Variants in TTN observed in about 807,000 individuals in gnomAD.
TTN encodes the protein titin, also known as connectin.
In TTN, 1,525 loss-of-function variants were observed where a neutral mutation model predicts 3,223.0. The observed-to-expected ratio is 0.47, with a 90% CI of 0.45 to 0.49. TTN has a LOEUF of 0.49. Ranked by LOEUF, TTN falls within the 20% of genes least tolerant of loss-of-function variation. The probability of loss-of-function intolerance (pLI) is 0.00; values close to 1 mark genes in which losing one functional copy is unlikely to be tolerated. For missense variants in TTN, 40,786 were observed against 43,424.0 expected (o/e 0.94, Z 5.40); for synonymous variants, 14,094 against 15,161.0 (o/e 0.93, Z 5.17).
rs755890947 is a variant in TTN, at chr2:178,535,130, C to T, written c.101485G>A (p.Glu33829Lys). 1 of 1,613,830 alleles carries T rather than the reference C, an allele frequency of 6.2e-7. No homozygotes were observed. Among genetic ancestry groups the T allele is most frequent in the Non-Finnish European group, 8.5e-7 (1 of 1,179,832 alleles). ...ACACAACGATGGACAATTCCAAACT[C>T]ACCACGCCCAAGATCTTCAGCAATC... is the stretch of plus-strand genomic sequence containing the variant. The part of the protein sequence containing the change: ...YMIAEDLGRG[E>K]FGIVHRCVET... Residue 33829 changes from glutamate (E) to lysine (K), a missense_variant, in exon 358 of 363, where the codon GAG becomes AAG. Transcript: ENST00000589042.
chr2:178,604,181 G>T lies in TTN; in HGVS notation c.54506C>A (p.Pro18169His), dbSNP rs2054202479. 1 of 1,611,968 alleles carries T rather than the reference G, an allele frequency of 6.2e-7. No homozygotes were observed. Among genetic ancestry groups the T allele is most frequent in the African/African-American group, 1.3e-5 (1 of 74,794 alleles). The change falls in exon 282 of 363, where the codon CCT (proline) becomes CAT (histidine). Residue 18169 changes from proline (P) to histidine (H), a missense_variant. Pro to His is a moderately conservative substitution (Grantham distance 77). Transcript: ENST00000589042. ...TGCCAAAACTTTTGGTTTTCCTGGA[G>T]GTCCAGGAAGGCGATAAGGATCTTG... ...VIQDPYRLPG[P>H]PGKPKVLART...
Position 178,704,779 on chromosome 2 carries a change from T to G in TTN, c.29695-2A>C. 6.2e-7 allele frequency: 1 copy of G among 1,607,938 alleles called. No homozygotes were observed. The highest frequency in any genetic ancestry group is 8.5e-7 in the Non-Finnish European group (1 of 1,177,924). ...AATGTCCTTGATCAGAGTGACAGGC[T>G]AGGAGAATAAAGAATTAAAACACAT... On this transcript the variant is annotated splice_acceptor_variant, in intron 104 of 362. Coordinates refer to ENST00000589042, the MANE Select transcript of TTN (RefSeq NM_001267550.2). LOFTEE classifies it high-confidence loss of function.
intron 350 of TTN, chr2:178,541,064 G>T (rs993023729): frequency 8.9e-5 from 34 of 383,082 alleles, no homozygotes; most frequent in African/African-American, 6.2e-4. Context: ...AAAATTATTT[G>T]CCAGAAATCG....
intron 88 of TTN, 97 bp downstream of exon 88, chr2:178,716,998 G>T: frequency 7.3e-7 from 1 of 1,369,192 alleles, no homozygotes; most frequent in Admixed American, 2.6e-5. Context: ...CTAGACCCTG[G>T]TCCTAAACAT....
rs780052938 is a variant in TTN, at chr2:178,540,147, G to A, written c.98019C>T (p.Phe32673=). ...CACCAGCATTACAAGCTAGGACGCG[G>A]AACCTGTATTCTGCACCCTGAGGTA... The part of the protein sequence containing the change: ...THLPQGAEYR[F]RVLACNAGGP... The change falls in exon 351 of 363, where the codon TTC becomes TTT. Residue 32673 remains phenylalanine (F), a synonymous_variant. Coordinates refer to ENST00000589042, the MANE Select transcript of TTN (RefSeq NM_001267550.2). The A allele has an allele frequency of 6.2e-7, 1 of 1,613,666 alleles. No individual in the cohort carries two copies. The highest frequency in any genetic ancestry group is 8.5e-7 in the Non-Finnish European group (1 of 1,179,644).
In TTN at chr2:178,539,882, A is replaced by T. The variant is rs764737796; in HGVS notation, c.98183T>A (p.Ile32728Asn). The change falls in exon 352 of 363, where the codon ATC becomes AAC. Residue 32728 changes from isoleucine to asparagine, a missense_variant. Transcript: ENST00000589042. Reference sequence around the variant, plus strand: ...ACATATTGGGAATGGTTTTCCTTTGATTGGTATGGTAAGTCTGATGACGCC... The same window carrying T: ...ACATATTGGGAATGGTTTTCCTTTGTTTGGTATGGTAAGTCTGATGACGCC... ...QGGVIRLTIP[I>N]KGKPFPICKW... 3 of 1,613,494 alleles carry T rather than the reference A, an allele frequency of 1.9e-6. No homozygotes were observed. Among genetic ancestry groups the T allele is most frequent in the Non-Finnish European group, 2.5e-6 (3 of 1,179,750 alleles).
intron 231 of TTN, 29 bp downstream of exon 231, chr2:178,633,788 G>C: frequency 6.2e-7 from 1 of 1,609,672 alleles, no homozygotes; most frequent in Non-Finnish European, 8.5e-7. Context: ...TCAGAAACTG[G>C]CTATCTGGTT....
intron 354 of TTN, 114 bp from the exon 355 acceptor site, chr2:178,538,031 A>C (rs545717935): frequency 1.2e-5 from 12 of 988,860 alleles, no homozygotes; most frequent in Non-Finnish European, 1.7e-5. Context: ...CATGATTTAC[A>C]TATTAGCCTA....
At position 178,574,470 on chromosome 2, in the gene TTN, A is replaced by G; in HGVS notation, c.71662T>C (p.Ser23888Pro). Residue 23888 changes from serine (S) to proline (P), a missense_variant, in exon 326 of 363, where the codon TCA becomes CCA. Physicochemically the swap from Ser to Pro is moderately conservative, Grantham distance 74. Coordinates refer to ENST00000589042, the MANE Select transcript of TTN (RefSeq NM_001267550.2). ...KALVPGNIFK[S>P]SGLTDGIAYE... ...GCAATACCATCTGTAAGTCCACTTGATTTGAAAATGTTGCCTGGTACTAAA... is the reference window on the plus strand; with the variant it reads ...GCAATACCATCTGTAAGTCCACTTGGTTTGAAAATGTTGCCTGGTACTAAA... 6.2e-7 allele frequency: 1 copy of G among 1,613,622 alleles called. No individual in the cohort carries two copies. The highest frequency in any genetic ancestry group is 8.5e-7 in the Non-Finnish European group (1 of 1,179,636).
At chr2:178,701,913 A>G in intron 109 of TTN, 127 bp downstream of exon 109, 2 of 985,270 alleles carry the variant, frequency 2.0e-6, no homozygotes, top group Non-Finnish European at 3.0e-6. Context: ...ACTGCATAAC[A>G]GTTTTATTGA....
At position 178,728,483 on chromosome 2, in the gene TTN, G is replaced by T. The variant is rs1264429783; in HGVS notation, c.19426+17C>A. On this transcript the variant is annotated intron_variant, in intron 66 of 362. Transcript: ENST00000589042. ...ATACTATAAATAAGGGAAGCTGACT[G>T]GGGTGAAGATACAAACCTAGCACTC... 17 of 1,596,058 alleles carry T rather than the reference G, an allele frequency of 1.1e-5. No homozygotes were observed. The highest frequency in any genetic ancestry group is 1.1e-5 in the Non-Finnish European group (13 of 1,169,144).
chr2:178,575,828 G>T lies in TTN; in HGVS notation c.70304C>A (p.Thr23435Lys). The change falls in exon 326 of 363, where the codon ACG (threonine) becomes AAG (lysine). Residue 23435 changes from threonine (T) to lysine (K), a missense_variant. Transcript: ENST00000589042. This position sits in a 1 kb window ranked among gnomAD's most constrained non-coding sequence, Gnocchi z 4.0. ...CCGCAGGTTGAGGACTGGGCCTGGC[G>T]TGTCCAAGACTCTGACGTTCACAAA... ...SGFVNVRVLDTPGPVLNLRPT... is the reference protein window; with the variant it reads ...SGFVNVRVLDKPGPVLNLRPT... 1.9e-6 allele frequency: 3 copies of T among 1,613,478 alleles called. No homozygotes were observed. The highest frequency in any genetic ancestry group is 2.5e-6 in the Non-Finnish European group (3 of 1,179,578).
intron 27 of TTN, 35 bp downstream of exon 27, chr2:178,777,114 T>C (rs769417017): frequency 6.2e-7 from 1 of 1,614,040 alleles, no homozygotes. Flanking sequence ...ATTGGATTTG[T>C]ATAATGAGCT....
In TTN at chr2:178,589,484, A is replaced by T. The variant is rs2049763633; in HGVS notation, c.62241T>A (p.Asn20747Lys). The change falls in exon 304 of 363, where the codon AAT becomes AAA. Residue 20747 changes from asparagine to lysine, a missense_variant. Coordinates refer to ENST00000589042, the MANE Select transcript of TTN (RefSeq NM_001267550.2). ...QIYEFRVQTKNEGGESDWVKT... is the reference protein window; with the variant it reads ...QIYEFRVQTKKEGGESDWVKT... ...TCACCCAGTCACTTTCCCCACCTTC[A>T]TTCTTTGTTTGCACTCTGAACTCAT... 1 of 1,613,188 alleles carries T rather than the reference A, an allele frequency of 6.2e-7. No individual in the cohort carries two copies. Among genetic ancestry groups the T allele is most frequent in the Admixed American group, 1.7e-5 (1 of 59,926 alleles).
chr2:178,732,136 A>T lies in TTN; in HGVS notation c.16833T>A (p.Ser5611Arg), dbSNP rs775946529. The T allele has an allele frequency of 6.2e-7, 1 of 1,613,776 alleles. No individual in the cohort carries two copies. Among genetic ancestry groups the T allele is most frequent in the East Asian group, 2.2e-5 (1 of 44,870 alleles). ...LRLTDVGIEDSGEYMCEAQNE... is the reference protein window; with the variant it reads ...LRLTDVGIEDRGEYMCEAQNE... ...TTTGGGCCTCACACATATATTCACC[A>T]CTGTCTTCGATGCCAACATCTGTCA... Residue 5611 changes from serine to arginine, a missense_variant, in exon 57 of 363, where the codon AGT becomes AGA. Transcript: ENST00000589042.
intron 209 of TTN, 105 bp downstream of exon 209, chr2:178,650,646 T>C (rs955248815): frequency 1.8e-6 from 2 of 1,117,590 alleles, no homozygotes; most frequent in African/African-American, 3.2e-5. Flanking sequence ...TAATTAAAGG[T>C]TAGAAAATGA....
At chr2:178,671,201 T>A (rs1435366666) in intron 155 of TTN, 31 bp from the exon 156 acceptor site, 9 of 1,531,272 alleles carry the variant, frequency 5.9e-6, no homozygotes, top group Non-Finnish European at 7.9e-6. Flanking sequence ...TGGTTTAGAA[T>A]GAACTCTTGA....
chr2:178,621,775 G>A, intron 244 of TTN, 34 bp from the exon 245 acceptor site: 2 of 1,608,592 alleles, frequency 1.2e-6, no homozygotes, highest in South Asian at 1.1e-5. Flanking sequence ...ACCACATTGA[G>A]TTAAGCTGGA....
chr2:178,677,901 T>C lies in TTN; in HGVS notation c.34011A>G (p.Glu11337=). The C allele has an allele frequency of 1.3e-6, 2 of 1,599,628 alleles. No individual in the cohort carries two copies. The highest frequency in any genetic ancestry group is 1.7e-6 in the Non-Finnish European group (2 of 1,174,860). The change falls in exon 146 of 363, where the codon GAA becomes GAG. Residue 11337 remains glutamate, a synonymous_variant. Coordinates refer to ENST00000589042, the MANE Select transcript of TTN (RefSeq NM_001267550.2). ...GTAGAGCTACAGGAACTGGAACTGG[T>C]TCACGTTTCTTTGGCACTTTAAAGA... is the stretch of plus-strand genomic sequence containing the variant. ...APPPKVPKKR[E]PVPVPVALPQ... is the part of the protein sequence containing the mutation.
Sources: allele counts gnomAD v4.1 joint callset, GRCh38; gene constraint gnomAD v4.1.1; non-coding constraint Gnocchi (gnomAD v3.1); transcripts MANE v1.5; gene names NCBI Gene and HGNC (gene_info 2026-07-23, HGNC 2026-07-21).